ECI1: variants seen among roughly 807,000 people sequenced by gnomAD.
ECI1 encodes enoyl-CoA delta isomerase 1, also known as enoyl-CoA delta isomerase 1, mitochondrial.
A neutral mutation model predicts 34.2 loss-of-function variants in ECI1; 34 were observed. That is an observed-to-expected ratio of 1.00 (90% CI 0.76 to 1.33). The LOEUF is 1.33. Among genes scored for constraint, ECI1 ranks in the 40% most tolerant of loss-of-function variants. The pLI is 0.00. For missense variants in ECI1, 456 were observed against 422.2 expected (o/e 1.08, Z -0.70); for synonymous variants, 211 against 193.0 (o/e 1.09, Z -0.77).
intron 6 of ECI1, 123 bp from the exon 7 acceptor site, chr16:2,240,268 A>G (rs1321529315): frequency 9.2e-6 from 10 of 1,089,256 alleles, no homozygotes; most frequent in Admixed American, 2.1e-5. Flanking sequence ...CTGGAGTGCA[A>G]TGGTGGGATC....
intron 2 of ECI1, among the ~76,000 whole-genome samples, chr16:2,250,714 C>T (rs2093551337): frequency 6.6e-6 from 1 of 152,218 alleles, no homozygotes; most frequent in Non-Finnish European, 1.5e-5. Flanking sequence ...GGTTCTGTGC[C>T]ACATGGGAGT....
chr16:2,250,007 G>A (rs1229080288), intron 2 of ECI1, among the ~76,000 whole-genome samples: 5 of 142,792 alleles, frequency 3.5e-5, no homozygotes, highest in African/African-American at 1.3e-4. Flanking sequence ...GGGAGCCTCT[G>A]TCTCAAAAAA....
At chr16:2,243,550 C>T in intron 4 of ECI1, 111 bp from the exon 5 acceptor site, 1 of 1,305,588 alleles carries the variant, frequency 7.7e-7, no homozygotes, top group South Asian at 1.2e-5. Flanking sequence ...CCGACCCCCG[C>T]AGGGTTCAAC....
At chr16:2,246,812 T>C in intron 3 of ECI1, 47 bp downstream of exon 3, 1 of 1,610,552 alleles carries the variant, frequency 6.2e-7, no homozygotes, top group South Asian at 1.1e-5. Context: ...ATCAGAGAAC[T>C]CAGGCCAAGA....
At chr16:2,240,247 T>TAA in intron 6 of ECI1, 102 bp from the exon 7 acceptor site, 11 of 1,334,162 alleles carry the variant, frequency 8.2e-6, no homozygotes, top group African/African-American at 1.5e-5. Context: ...AGTCTTGCTC[T>TAA]GTCGCCCAGG....
At position 2,240,265 on chromosome 16, in the gene ECI1, G is replaced by T. The variant is rs1313800203; in HGVS notation, c.743-120C>A. 1.9e-5 allele frequency: 21 copies of T among 1,109,086 alleles called. No homozygotes were observed. The East Asian group carries it at 5.2e-4, about 28-fold the overall frequency. The allele number at this position is 1,109,086 out of a possible 1,614,324, so 68.7% of individuals were successfully genotyped here. A position where few individuals can be genotyped will look rare whatever the true frequency, so the allele number is the denominator to read the frequency against. On this transcript the variant is annotated intron_variant, in intron 6 of 6. Transcript: ENST00000301729. ...CTTGCTCTGTCGCCCAGGCTGGAGT[G>T]CAATGGTGGGATCTTGGCTCACTGC...
intron 4 of ECI1, chr16:2,243,988 G>A (rs567026030): frequency 2.1e-5 from 7 of 335,568 alleles, no homozygotes; most frequent in African/African-American, 4.3e-5. Flanking sequence ...GCCCACACCC[G>A]GCTTGTCACA....
At chr16:2,244,087 T>A (rs1485190693) in intron 4 of ECI1, 1 of 432,942 alleles carries the variant, frequency 2.3e-6, no homozygotes, top group Non-Finnish European at 4.3e-6. Context: ...GATGGAGTGA[T>A]GTTTCCAAAA....
Position 2,251,519 on chromosome 16 carries a change from G to C in ECI1, c.48C>G (p.Arg16=), listed in dbSNP as rs11541763. ...SVRVPARVLL[R]AGARLPGAAL... is the part of the protein sequence containing the mutation. ...TGCCCACCCCGGGTTTCGCACCCGC[G>C]CGGAGCAGAACGCGCGCCGGGACTC... Residue 16 remains arginine (R), a synonymous_variant, in exon 1 of 7, where the codon CGC becomes CGG. Transcript: ENST00000301729. The C allele has an allele frequency of 0.15, 228,333 of 1,559,298 alleles. 18,445 individuals carry two copies. The highest frequency in any genetic ancestry group is 0.16 in the Non-Finnish European group (189,347 of 1,153,262).
intron 3 of ECI1, 122 bp downstream of exon 3, chr16:2,246,737 C>T: frequency 2.0e-6 from 3 of 1,493,718 alleles, no homozygotes; most frequent in Non-Finnish European, 9.2e-7. Flanking sequence ...GGTGGGGCTG[C>T]CGGCTGGCCT....
chr16:2,248,463 G>A (rs542115127), intron 2 of ECI1, among the ~76,000 whole-genome samples: 1 of 151,762 alleles, frequency 6.6e-6, no homozygotes, highest in South Asian at 2.1e-4. Flanking sequence ...TGCCCAGGCT[G>A]GAGTGCAGCA....
At chr16:2,244,855 C>A (rs774744902) in intron 3 of ECI1, among the ~76,000 whole-genome samples, 1 of 152,240 alleles carries the variant, frequency 6.6e-6, no homozygotes, top group African/African-American at 2.4e-5. Context: ...TGGCTCTGCA[C>A]GCCTGGCTCG....
Position 2,251,309 on chromosome 16 carries a change from C to CGCTCACCTGCGCCCGCGTCCG in ECI1, c.152_166+6dup. On this transcript the variant is annotated splice_region_variant and intron_variant, in intron 2 of 6. Coordinates refer to ENST00000301729, the MANE Select transcript of ECI1 (RefSeq NM_001919.4). ...ACGCCCGCCCTCCCTCGGCGCCGCCCGCTCACCTGCGCCCGCGTCCGGCTC... is the reference window on the plus strand; with the variant it reads ...ACGCCCGCCCTCCCTCGGCGCCGCCCGCTCACCTGCGCCCGCGTCCGGCTCACCTGCGCCCGCGTCCGGCTC... 8.3e-7 allele frequency: 1 copy of CGCTCACCTGCGCCCGCGTCCG among 1,197,802 alleles called. No homozygotes were observed. 74.2% of individuals were successfully genotyped at this position (1,197,802 alleles called of 1,614,324 possible). A position where few individuals can be genotyped will look rare whatever the true frequency, so the allele number is the denominator to read the frequency against.
At chr16:2,246,096 T>A (rs1322255349) in intron 3 of ECI1, among the ~76,000 whole-genome samples, 1 of 152,102 alleles carries the variant, frequency 6.6e-6, no homozygotes, top group Non-Finnish European at 1.5e-5. Flanking sequence ...TCCCCTCACC[T>A]CAGCCAATGC....
Position 2,239,904 on chromosome 16 carries a change from G to GTC in ECI1, c.*74_*75insGA. ...GAAACGCTGGCAGTACTTTTAAGTTGAAAAATACCTTGTTTAAGACCTCCC... is the reference window on the plus strand; with the variant it reads ...GAAACGCTGGCAGTACTTTTAAGTTGTCAAAAATACCTTGTTTAAGACCTCCC... On this transcript the variant is annotated 3_prime_UTR_variant, in exon 7 of 7. Transcript: ENST00000301729. 1.3e-6 allele frequency: 2 copies of GTC among 1,498,140 alleles called. No homozygotes were observed. Among genetic ancestry groups the GTC allele is most frequent in the Non-Finnish European group, 1.9e-6 (2 of 1,075,996 alleles). The allele number at this position is 1,498,140 out of a possible 1,614,324, so 92.8% of individuals were successfully genotyped here.
At chr16:2,246,724 G>A in intron 3 of ECI1, 135 bp downstream of exon 3, 1 of 1,392,608 alleles carries the variant, frequency 7.2e-7, no homozygotes, top group Non-Finnish European at 1.0e-6. Flanking sequence ...TGGAGTCCAG[G>A]GTGGTGGGGC....
chr16:2,243,920 A>G (rs1313085428), intron 4 of ECI1, among the ~76,000 whole-genome samples: 1 of 152,166 alleles, frequency 6.6e-6, no homozygotes, highest in Non-Finnish European at 1.5e-5. Context: ...TCCTGTCTGC[A>G]TGGCCGTGCA....
rs550176966 is a variant in ECI1 at position 2,245,550 on chromosome 16, C to T, written c.295-998G>A. Among the ~76,000 whole-genome samples the T allele has an allele frequency of 3.9e-5, 6 of 152,294 alleles. No homozygotes were observed. In the South Asian group the frequency reaches 1.2e-3, roughly 32 times the overall value. ...TGGGTAGGCCGGTCCTTTGTTTCTACAAAACGCGTTCTACTTCCGTTACTC... is the reference window on the plus strand; with the variant it reads ...TGGGTAGGCCGGTCCTTTGTTTCTATAAAACGCGTTCTACTTCCGTTACTC... On this transcript the variant is annotated intron_variant, in intron 3 of 6. Coordinates refer to ENST00000301729, the MANE Select transcript of ECI1 (RefSeq NM_001919.4).
At chr16:2,242,293 C>T (rs988698917) in intron 6 of ECI1, 4 of 152,370 alleles carry the variant, frequency 2.6e-5, no homozygotes, top group African/African-American at 9.6e-5. Context: ...GCACCTGGCC[C>T]ACTGTCCATA....
Sources: allele counts gnomAD v4.1 joint callset (sites outside exome capture counted in the v4.1 genomes callset), GRCh38; gene constraint gnomAD v4.1.1; transcripts MANE v1.5; gene names NCBI Gene and HGNC (gene_info 2026-07-23, HGNC 2026-07-21).